Variants in PIK3C2G observed in about 807,000 individuals in gnomAD.
PIK3C2G encodes the protein phosphatidylinositol-4-phosphate 3-kinase catalytic subunit type 2 gamma, also known as phosphatidylinositol 3-kinase C2 domain-containing subunit gamma.
Under a neutral mutation model 181.1 loss-of-function variants are expected in PIK3C2G, and 168 were observed. That is an observed-to-expected ratio of 0.93 (90% CI 0.82 to 1.05). The LOEUF is 1.05. Ranked by LOEUF, PIK3C2G falls within the 50% of genes least tolerant of loss-of-function variation. PIK3C2G has a pLI of 0.00. For missense variants in PIK3C2G, 1,869 were observed against 1,732.8 expected, an observed-to-expected ratio of 1.08 and a Z score of -1.40; for synonymous variants, 573 against 592.2, an observed-to-expected ratio of 0.97 and a Z score of 0.47.
the PIK3C2G span, among the ~76,000 whole-genome samples, chr12:18,720,312 G>C: frequency 6.6e-6 from 1 of 151,784 alleles, no homozygotes; most frequent in South Asian, 2.1e-4. Flanking sequence ...TACAAATTGT[G>C]CTGCCAAAAA....
Position 18,496,089 on chromosome 12 carries a change from T to G in PIK3C2G, c.2821T>G (p.Leu941Val). 6.5e-7 allele frequency: 1 copy of G among 1,537,132 alleles called. No individual in the cohort carries two copies. Among genetic ancestry groups the G allele is most frequent in the South Asian group, 1.2e-5 (1 of 81,004 alleles). The change falls in exon 21 of 33, where the codon TTG becomes GTG. Residue 941 changes from leucine (L) to valine (V), a missense_variant. Coordinates refer to ENST00000538779, the MANE Select transcript of PIK3C2G (RefSeq NM_001288772.2). ...ATGTTCATATTTTACATCTAATGCT[T>G]TGCCATTGAAGATTACTTTCATCAA... ...DACSYFTSNA[L>V]PLKITFINAN...
At chr12:18,641,444 C>A (rs1417102643) in intron 32 of PIK3C2G, among the ~76,000 whole-genome samples, 5 of 152,162 alleles carry the variant, frequency 3.3e-5, no homozygotes, top group Non-Finnish European at 7.4e-5. Context: ...ACCACAGCCC[C>A]ATTCCTGAAA....
At chr12:18,610,778 A>G (rs1948289835) in intron 31 of PIK3C2G, among the ~76,000 whole-genome samples, 2 of 139,804 alleles carry the variant, frequency 1.4e-5, no homozygotes, top group African/African-American at 5.5e-5. Context: ...CTATATAAAC[A>G]TATATGATAA....
intron 13 of PIK3C2G, among the ~76,000 whole-genome samples, chr12:18,376,319 C>T (rs1464902448): frequency 6.6e-6 from 1 of 152,188 alleles, no homozygotes; most frequent in Admixed American, 6.5e-5. Flanking sequence ...GATTTAATGA[C>T]TGCCCCGCTG....
intron 24 of PIK3C2G, among the ~76,000 whole-genome samples, chr12:18,519,259 G>A (rs972972565): frequency 6.6e-6 from 1 of 152,194 alleles, no homozygotes; most frequent in Non-Finnish European, 1.5e-5. Flanking sequence ...TTGATCCAGA[G>A]CTGAGTTCAA....
chr12:18,471,304 C>A (rs1219057493), intron 18 of PIK3C2G, among the ~76,000 whole-genome samples: 2 of 152,116 alleles, frequency 1.3e-5, no homozygotes, highest in East Asian at 3.9e-4. Context: ...GGAATCTCAA[C>A]CTACATGAAT....
At chr12:18,290,557 C>T (rs912853404) in intron 3 of PIK3C2G, among the ~76,000 whole-genome samples, 5 of 152,204 alleles carry the variant, frequency 3.3e-5, no homozygotes, top group African/African-American at 4.8e-5. Flanking sequence ...TAATATTCAG[C>T]GTGAATCCTC....
chr12:18,324,351 A>G (rs2137488443), intron 7 of PIK3C2G, among the ~76,000 whole-genome samples: 1 of 152,302 alleles, frequency 6.6e-6, no homozygotes, highest in Non-Finnish European at 1.5e-5. Flanking sequence ...TAATGTAGAA[A>G]AATGAGAATG....
intron 1 of PIK3C2G, among the ~76,000 whole-genome samples, chr12:18,254,915 A>T (rs1246464711): frequency 6.6e-6 from 1 of 151,768 alleles, no homozygotes; most frequent in Non-Finnish European, 1.5e-5. Context: ...TAAAAATTTA[A>T]AAAAAGAAAG....
chr12:18,696,523 G>GA, the PIK3C2G span, among the ~76,000 whole-genome samples: 1 of 150,924 alleles, frequency 6.6e-6, no homozygotes, highest in Non-Finnish European at 1.5e-5. Flanking sequence ...ATCATTCAAG[G>GA]AAAAAATTGA....
chr12:18,500,187 C>G (rs1289961996), intron 22 of PIK3C2G, among the ~76,000 whole-genome samples: 1 of 152,168 alleles, frequency 6.6e-6, no homozygotes, highest in Non-Finnish European at 1.5e-5. Context: ...CCAGTGCTTG[C>G]CGGCCGGCTG....
intron 18 of PIK3C2G, among the ~76,000 whole-genome samples, chr12:18,478,291 A>G (rs1374974342): frequency 6.6e-6 from 1 of 152,130 alleles, no homozygotes; most frequent in Non-Finnish European, 1.5e-5. Context: ...ACATGTGCTG[A>G]TGTTAGAGAC....
intron 29 of PIK3C2G, among the ~76,000 whole-genome samples, chr12:18,568,226 A>C (rs960348745): frequency 2.6e-5 from 4 of 152,110 alleles, no homozygotes; most frequent in Admixed American, 2.6e-4. Context: ...TCTGCCTATC[A>C]CGGGGATCTA....
chr12:18,356,110 C>T (rs878921568), intron 11 of PIK3C2G, among the ~76,000 whole-genome samples: 4 of 152,146 alleles, frequency 2.6e-5, no homozygotes, highest in Admixed American at 2.6e-4. Context: ...GGAAGGGAAA[C>T]AGAGCCAACA....
At chr12:18,576,763 G>T (rs970871505) in intron 29 of PIK3C2G, among the ~76,000 whole-genome samples, 4 of 152,110 alleles carry the variant, frequency 2.6e-5, no homozygotes, top group Non-Finnish European at 5.9e-5. Flanking sequence ...AGTGATTTTT[G>T]CATGTTAAAG....
intron 1 of PIK3C2G, among the ~76,000 whole-genome samples, chr12:18,265,328 T>A (rs1004190036): frequency 5.8e-4 from 88 of 152,244 alleles, no homozygotes; most frequent in African/African-American, 2.1e-3. Context: ...CAAAATTAAA[T>A]GCAAAACAAA....
intron 30 of PIK3C2G, among the ~76,000 whole-genome samples, chr12:18,605,935 A>G (rs1947994068): frequency 6.6e-6 from 1 of 152,104 alleles, no homozygotes; most frequent in Admixed American, 6.6e-5. Context: ...GAGTTTCCTC[A>G]TGTGTAAAAT....
At chr12:18,607,137 GA>G (rs762608702) in intron 30 of PIK3C2G, 1 of 515,736 alleles carries the variant, frequency 1.9e-6, no homozygotes, top group Non-Finnish European at 3.9e-6. Context: ...AGGGAAAGAT[GA>G]CCACACAAAC....
chr12:18,697,693 A>G, the PIK3C2G span, among the ~76,000 whole-genome samples: 74,240 of 151,656 alleles, frequency 0.49, 19,242 homozygotes, highest in African/African-American at 0.66. Flanking sequence ...TTGTATGTGT[A>G]TAATTTTTAG....
Sources: gnomAD v4.1 joint callset for allele counts (sites outside exome capture counted in the v4.1 genomes callset) on GRCh38, gnomAD v4.1.1 for gene constraint, MANE v1.5 for transcripts, NCBI Gene and HGNC (gene_info 2026-07-23, HGNC 2026-07-21) for gene names.